The following ARID1B variants were observed in gnomAD, a reference collection of about 807,000 sequenced individuals.
ARID1B encodes the protein AT-rich interaction domain 1B.
In ARID1B, 30 loss-of-function variants were observed where a neutral mutation model predicts 212.3. The ratio of observed to expected loss-of-function variants is 0.14; its 90% CI spans 0.11 to 0.19. The LOEUF is 0.19. Ranked by LOEUF, ARID1B falls within the 10% of genes least tolerant of loss-of-function variation. The pLI, the probability that ARID1B is intolerant of heterozygous loss-of-function variation, is 1.00. For missense variants in ARID1B, 2,891 were observed against 3,204.0 expected, an observed-to-expected ratio of 0.90 and a Z score of 2.36; for synonymous variants, 1,402 against 1,301.7, an observed-to-expected ratio of 1.08 and a Z score of -1.66.
chr6:157,110,635 A>C, intron 6 of ARID1B, 74 bp downstream of exon 6: 1 of 1,335,852 alleles, frequency 7.5e-7, no homozygotes, highest in Non-Finnish European at 1.1e-6. Context: ...TTGCTTACCT[A>C]TGCACCTCCT....
chr6:157,081,418 C>G (rs1407814038), intron 4 of ARID1B, among the ~76,000 whole-genome samples: 1 of 152,196 alleles, frequency 6.6e-6, no homozygotes, highest in Admixed American at 6.5e-5. Flanking sequence ...GATAGCTCTA[C>G]ATACAGATAC....
chr6:157,030,090 T>C (rs1259311410), intron 4 of ARID1B, among the ~76,000 whole-genome samples: 1 of 152,206 alleles, frequency 6.6e-6, no homozygotes, highest in Non-Finnish European at 1.5e-5. Flanking sequence ...GTTTGACGAT[T>C]TGGGCTGGGC....
chr6:156,829,571 A>AT (rs370597358), intron 2 of ARID1B, 150 bp downstream of exon 2: 4,323 of 893,532 alleles, frequency 4.8e-3, no homozygotes, highest in South Asian at 5.3e-3. Flanking sequence ...CACAGGTATA[A>AT]TTTTTTTTTT....
chr6:157,050,061 ACT>A lies in ARID1B; in HGVS notation c.2248-34597_2248-34596del, dbSNP rs1365249033. Reference sequence around the variant, plus strand: ...CAGCACCAGCAAAAGGAAGAGAGACACTCTCAGTTGTGGGGTGTCTCTCCCTG... The same window carrying A: ...CAGCACCAGCAAAAGGAAGAGAGACACTCAGTTGTGGGGTGTCTCTCCCTG... On this transcript the variant is annotated intron_variant, in intron 4 of 19. Coordinates refer to ENST00000636930, the MANE Select transcript of ARID1B (RefSeq NM_001374828.1). Among the ~76,000 whole-genome samples, 23 of 152,118 alleles carry A rather than the reference ACT, an allele frequency of 1.5e-4. No homozygotes were observed. The South Asian group carries it at 4.8e-3, about 32-fold the overall frequency.
intron 4 of ARID1B, among the ~76,000 whole-genome samples, chr6:156,996,972 C>G (rs966749611): frequency 1.3e-5 from 2 of 148,984 alleles, no homozygotes; most frequent in African/African-American, 5.2e-5. Flanking sequence ...GGGAAAAAAA[C>G]GTGTGTTATT....
chr6:156,785,863 G>A (rs1236393550), intron 1 of ARID1B, among the ~76,000 whole-genome samples: 1 of 152,058 alleles, frequency 6.6e-6, no homozygotes, highest in Non-Finnish European at 1.5e-5. Flanking sequence ...TTTTTTATTA[G>A]TACATTACTT....
At chr6:156,816,091 A>T (rs1781944829) in intron 1 of ARID1B, among the ~76,000 whole-genome samples, 1 of 152,196 alleles carries the variant, frequency 6.6e-6, no homozygotes, top group Non-Finnish European at 1.5e-5. Flanking sequence ...ATACTTTGGG[A>T]AATACTGTTT....
In ARID1B at chr6:157,094,430, C is replaced by A. The variant is rs781100673; in HGVS notation, c.2491+9525C>A. Among the ~76,000 whole-genome samples the A allele has an allele frequency of 6.6e-6, 1 of 152,196 alleles. No homozygotes were observed. Among genetic ancestry groups the A allele is most frequent in the Non-Finnish European group, 1.5e-5 (1 of 68,038 alleles). ...AGTACAGTGGCACGATCTCCACTCA[C>A]TACAACCTCTACCTCCCAGGTTCAA... is the stretch of plus-strand genomic sequence containing the variant. On this transcript the variant is annotated intron_variant, in intron 5 of 19. Transcript: ENST00000636930. The surrounding 1 kb of genome is among the most constrained non-coding windows in gnomAD (Gnocchi z 4.3).
intron 2 of ARID1B, among the ~76,000 whole-genome samples, chr6:156,856,918 C>G (rs949779649): frequency 1.1e-4 from 16 of 152,102 alleles, no homozygotes; most frequent in African/African-American, 3.9e-4. Flanking sequence ...TGCTGGCAAT[C>G]TAAGGGTAGG....
intron 3 of ARID1B, among the ~76,000 whole-genome samples, chr6:156,927,165 G>C (rs1791292537): frequency 6.6e-6 from 1 of 152,002 alleles, no homozygotes; most frequent in South Asian, 2.1e-4. Context: ...TTACATTGTG[G>C]GGTAGTTTGA....
chr6:156,810,929 T>A (rs1781512244), intron 1 of ARID1B, among the ~76,000 whole-genome samples: 1 of 152,160 alleles, frequency 6.6e-6, no homozygotes. Context: ...TTCTGGAGGT[T>A]AGGAGTCCAG....
chr6:157,096,464 C>T lies in ARID1B; in HGVS notation c.2491+11559C>T, dbSNP rs569262191. On this transcript the variant is annotated intron_variant, in intron 5 of 19. Transcript: ENST00000636930. Reference sequence around the variant, plus strand: ...ATTCTTTTCCCCTCCCTCCTGAAAGCGACTCCACTGTGACAGATACCTTTC... The same window carrying T: ...ATTCTTTTCCCCTCCCTCCTGAAAGTGACTCCACTGTGACAGATACCTTTC... Among the ~76,000 whole-genome samples the T allele has an allele frequency of 9.2e-5, 14 of 152,330 alleles. No individual in the cohort carries two copies. In the South Asian group the frequency reaches 1.9e-3, roughly 20 times the overall value.
At chr6:156,958,829 G>A (rs901201511) in intron 4 of ARID1B, among the ~76,000 whole-genome samples, 1 of 152,130 alleles carries the variant, frequency 6.6e-6, no homozygotes, top group African/African-American at 2.4e-5. Flanking sequence ...AGCAAAAAAA[G>A]ATGAGGCCAG....
At chr6:157,077,368 G>T (rs555137014) in intron 4 of ARID1B, among the ~76,000 whole-genome samples, 1 of 152,258 alleles carries the variant, frequency 6.6e-6, no homozygotes, top group South Asian at 2.1e-4. Context: ...GTGGCTCCCT[G>T]GTTCCTAAAA....
chr6:157,045,824 A>G (rs2128541836), intron 4 of ARID1B, among the ~76,000 whole-genome samples: 1 of 152,288 alleles, frequency 6.6e-6, no homozygotes. Flanking sequence ...CTGTTTCAAT[A>G]TTGACTCAAA....
intron 3 of ARID1B, among the ~76,000 whole-genome samples, chr6:156,910,478 C>A (rs1426766429): frequency 1.3e-5 from 2 of 152,128 alleles, no homozygotes; most frequent in African/African-American, 4.8e-5. Flanking sequence ...GACTTCCTCT[C>A]CTTTTCCCTG....
chr6:156,844,351 C>T (rs1238248919), intron 2 of ARID1B, among the ~76,000 whole-genome samples: 1 of 152,186 alleles, frequency 6.6e-6, no homozygotes, highest in African/African-American at 2.4e-5. Flanking sequence ...GTCTGTGTAT[C>T]CAGAGAGGAT....
intron 8 of ARID1B, among the ~76,000 whole-genome samples, chr6:157,158,121 T>G (rs1377597818): frequency 6.6e-6 from 1 of 152,256 alleles, no homozygotes; most frequent in Admixed American, 6.5e-5. Context: ...TACTTTTGAT[T>G]GTTAAAATTC....
At chr6:157,115,436 G>A (rs966413201) in intron 6 of ARID1B, among the ~76,000 whole-genome samples, 6 of 152,026 alleles carry the variant, frequency 3.9e-5, no homozygotes, top group African/African-American at 1.4e-4. Context: ...TGTTTGTTTT[G>A]TTTGTTTTGA....
Sources: gnomAD v4.1 joint callset for allele counts (sites outside exome capture counted in the v4.1 genomes callset) on GRCh38, gnomAD v4.1.1 for gene constraint, Gnocchi (gnomAD v3.1) non-coding constraint, MANE v1.5 for transcripts, NCBI Gene and HGNC (gene_info 2026-07-23, HGNC 2026-07-21) for gene names.